Variants in ELAPOR2 observed in about 807,000 individuals in gnomAD.
The protein encoded by ELAPOR2 is endosome/lysosome-associated apoptosis and autophagy regulator family member 2.
ELAPOR2 carries 89 observed loss-of-function variants against 120.7 expected under a neutral mutation model. The observed-to-expected ratio is 0.74, with a 90% CI of 0.62 to 0.88. The LOEUF (loss-of-function observed/expected upper bound fraction) is 0.88. Ranked by LOEUF, ELAPOR2 falls within the 40% of genes least tolerant of loss-of-function variation. ELAPOR2 has a pLI of 0.00. For synonymous variants in ELAPOR2, 444 were observed against 444.9 expected (o/e 1.00, Z 0.03); for missense variants, 1,134 against 1,251.6 (o/e 0.91, Z 1.42).
chr7:87,038,143 C>G (rs550158788), intron 1 of ELAPOR2, among the ~76,000 whole-genome samples: 2 of 152,302 alleles, frequency 1.3e-5, no homozygotes, highest in East Asian at 3.9e-4. Context: ...GAATACCAAT[C>G]CAAGTGCAAG....
intron 1 of ELAPOR2, among the ~76,000 whole-genome samples, chr7:87,001,002 A>G (rs560838331): frequency 6.6e-6 from 1 of 152,316 alleles, no homozygotes; most frequent in South Asian, 2.1e-4. Context: ...GGAAAATTAA[A>G]TAAGATCATG....
intron 1 of ELAPOR2, among the ~76,000 whole-genome samples, chr7:87,024,983 T>C (rs1222446430): frequency 6.9e-6 from 1 of 145,750 alleles, no homozygotes; most frequent in Non-Finnish European, 1.5e-5. Flanking sequence ...AGTCTTTTCC[T>C]ACAGAAAAAA....
At chr7:87,013,916 GAC>G (rs1341404124) in intron 1 of ELAPOR2, among the ~76,000 whole-genome samples, 1 of 152,052 alleles carries the variant, frequency 6.6e-6, no homozygotes, top group East Asian at 1.9e-4. Context: ...GGAGTCACCT[GAC>G]ACACACATTC....
intron 1 of ELAPOR2, among the ~76,000 whole-genome samples, chr7:86,991,070 TATGG>T (rs765307208): frequency 1.3e-5 from 2 of 152,212 alleles, no homozygotes; most frequent in South Asian, 2.1e-4. Flanking sequence ...TCATTGTATA[TATGG>T]ATGGACAGAT....
chr7:86,943,135 G>T (rs747541268), intron 4 of ELAPOR2, among the ~76,000 whole-genome samples: 3 of 151,860 alleles, frequency 2.0e-5, no homozygotes, highest in Non-Finnish European at 4.4e-5. Flanking sequence ...AGCAGATGTG[G>T]ACCCTGAATA....
At chr7:86,994,075 T>C (rs1161351962) in intron 1 of ELAPOR2, among the ~76,000 whole-genome samples, 1 of 152,220 alleles carries the variant, frequency 6.6e-6, no homozygotes, top group Non-Finnish European at 1.5e-5. Context: ...TTAATCTCTT[T>C]GGGAGCAGGT....
intron 1 of ELAPOR2, among the ~76,000 whole-genome samples, chr7:86,985,816 C>T (rs561875302): frequency 1.3e-5 from 2 of 151,956 alleles, no homozygotes; most frequent in South Asian, 2.1e-4. Context: ...ATCCCTCCCC[C>T]CTGCCCCCAC....
Position 87,014,188 on chromosome 7 carries a change from A to G in ELAPOR2, c.189+45137T>C, listed in dbSNP as rs116824564. Among the ~76,000 whole-genome samples the G allele has an allele frequency of 1.4e-3, 211 of 152,248 alleles. 1 individual carries two copies. The highest frequency in any genetic ancestry group is 4.9e-3 in the African/African-American group (203 of 41,548). On this transcript the variant is annotated intron_variant, in intron 1 of 21. Coordinates refer to ENST00000450689, the MANE Select transcript of ELAPOR2 (RefSeq NM_001142749.3). Reference sequence around the variant, plus strand: ...CGGTGCTGTTGGCTGTGAGTTCAACATTAATGAATCAACAACATAGATTAA... The same window carrying G: ...CGGTGCTGTTGGCTGTGAGTTCAACGTTAATGAATCAACAACATAGATTAA...
chr7:86,981,266 G>A (rs998224008), intron 1 of ELAPOR2, among the ~76,000 whole-genome samples: 1 of 152,184 alleles, frequency 6.6e-6, no homozygotes, highest in Admixed American at 6.5e-5. Context: ...GTTTCCTGCT[G>A]GGACTCTGTG....
intron 10 of ELAPOR2, among the ~76,000 whole-genome samples, chr7:86,923,510 T>C (rs1789920419): frequency 6.6e-6 from 1 of 152,048 alleles, no homozygotes; most frequent in African/African-American, 2.4e-5. Context: ...CCATACCCCA[T>C]TATTGAAAAT....
At chr7:86,888,549 A>C (rs1328127644) in intron 21 of ELAPOR2, among the ~76,000 whole-genome samples, 7 of 152,114 alleles carry the variant, frequency 4.6e-5, no homozygotes, top group Non-Finnish European at 1.0e-4. Context: ...CTCTCATCAC[A>C]ATTCATTTGC....
At chr7:86,952,758 A>G (rs764943320) in intron 2 of ELAPOR2, among the ~76,000 whole-genome samples, 6 of 152,198 alleles carry the variant, frequency 3.9e-5, no homozygotes, top group Admixed American at 2.6e-4. Flanking sequence ...AGCATTTAGC[A>G]TATTACCTGG....
chr7:86,973,492 T>C (rs1481338948), intron 1 of ELAPOR2, among the ~76,000 whole-genome samples: 1 of 152,116 alleles, frequency 6.6e-6, no homozygotes, highest in Non-Finnish European at 1.5e-5. Flanking sequence ...CCCTACTCTT[T>C]GCAGGACCAA....
intron 21 of ELAPOR2, among the ~76,000 whole-genome samples, chr7:86,885,276 A>G (rs1426344282): frequency 6.6e-6 from 1 of 152,194 alleles, no homozygotes; most frequent in Non-Finnish European, 1.5e-5. Context: ...TCAGAGAAAA[A>G]GCAATATGAA....
At chr7:86,912,621 T>C (rs1021031304) in intron 14 of ELAPOR2, among the ~76,000 whole-genome samples, 4 of 152,218 alleles carry the variant, frequency 2.6e-5, no homozygotes, top group African/African-American at 9.6e-5. Context: ...TGTTCCCAGA[T>C]GACTGCTATA....
intron 21 of ELAPOR2, among the ~76,000 whole-genome samples, chr7:86,887,705 G>A (rs1236403538): frequency 1.3e-5 from 2 of 152,042 alleles, no homozygotes; most frequent in Non-Finnish European, 2.9e-5. Context: ...ATTGAGCATT[G>A]TAAGACCTTC....
chr7:86,900,358 C>A (rs907913160), intron 18 of ELAPOR2, among the ~76,000 whole-genome samples: 1 of 152,162 alleles, frequency 6.6e-6, no homozygotes, highest in African/African-American at 2.4e-5. Context: ...CTTTCCCCTG[C>A]CACATTTTTG....
At chr7:86,936,901 A>C (rs980769925) in intron 8 of ELAPOR2, among the ~76,000 whole-genome samples, 3 of 152,102 alleles carry the variant, frequency 2.0e-5, no homozygotes, top group African/African-American at 7.2e-5. Context: ...CCATTCCTTT[A>C]ACCCTCAGTA....
chr7:87,056,011 T>C (rs1308876390), intron 1 of ELAPOR2, among the ~76,000 whole-genome samples: 1 of 152,228 alleles, frequency 6.6e-6, no homozygotes, highest in Non-Finnish European at 1.5e-5. Context: ...TTTACTCTCA[T>C]GTACTTTTCT....
Sources: allele counts gnomAD v4.1 joint callset (sites outside exome capture counted in the v4.1 genomes callset), GRCh38; gene constraint gnomAD v4.1.1; transcripts MANE v1.5; gene names NCBI Gene and HGNC (gene_info 2026-07-23, HGNC 2026-07-21).